FSTL5: variants seen among roughly 807,000 people sequenced by gnomAD.
FSTL5 encodes the protein follistatin-related protein 5.
Under a neutral mutation model 89.1 loss-of-function variants are expected in FSTL5, and 62 were observed. The observed-to-expected ratio is 0.70, with a 90% confidence interval of 0.57 to 0.86. FSTL5 has a LOEUF of 0.86. Ranked by LOEUF, FSTL5 falls within the 40% of genes least tolerant of loss-of-function variation. The pLI is 0.00. For missense variants in FSTL5, 1,057 were observed against 1,001.6 expected (o/e 1.06, Z -0.75); for synonymous variants, 383 against 346.2 (o/e 1.11, Z -1.18).
intron 3 of FSTL5, among the ~76,000 whole-genome samples, chr4:161,929,456 C>A (rs1222398934): frequency 2.0e-5 from 3 of 151,610 alleles, no homozygotes; most frequent in Non-Finnish European, 4.4e-5. Context: ...AAATCTTTTG[C>A]TTTGCCATAT....
Position 161,587,441 on chromosome 4 carries a change from A to G in FSTL5, c.1015+14T>C, listed in dbSNP as rs762906339. 1 of 1,612,466 alleles carries G rather than the reference A, an allele frequency of 6.2e-7. No homozygotes were observed. The highest frequency in any genetic ancestry group is 1.1e-5 in the South Asian group (1 of 91,052). On this transcript the variant is annotated intron_variant, in intron 8 of 15. Transcript: ENST00000306100. The stretch of plus-strand genomic sequence containing the variant: ...GTTCTTTGAATAGTTAGGGTAACAA[A>G]AATCACTTCTTACCATTCACTTGGA...
intron 15 of FSTL5, among the ~76,000 whole-genome samples, chr4:161,430,696 G>A (rs890272960): frequency 1.1e-4 from 17 of 152,044 alleles, no homozygotes; most frequent in Non-Finnish European, 1.8e-4. Flanking sequence ...GCCAAGATCC[G>A]GCTACTGCAT....
chr4:162,075,925 TG>T (rs1207502898), intron 2 of FSTL5, among the ~76,000 whole-genome samples: 2 of 151,856 alleles, frequency 1.3e-5, no homozygotes, highest in Non-Finnish European at 2.9e-5. Flanking sequence ...GCAACTGCAT[TG>T]TAACTTAATT....
intron 2 of FSTL5, among the ~76,000 whole-genome samples, chr4:162,072,889 C>T (rs972947794): frequency 7.9e-5 from 12 of 151,698 alleles, no homozygotes; most frequent in Non-Finnish European, 1.8e-4. Flanking sequence ...CTCAGTAGAA[C>T]AAAAAAGGCT....
rs577722331 is a variant in FSTL5 at position 161,475,722 on chromosome 4, G to A, written c.1608+5298C>T. 7.9e-5 allele frequency among the ~76,000 whole-genome samples: 12 copies of A among 151,686 alleles called. No individual in the cohort carries two copies. The South Asian group carries it at 1.7e-3, about 21-fold the overall frequency. On this transcript the variant is annotated intron_variant, in intron 13 of 15. Coordinates refer to ENST00000306100, the MANE Select transcript of FSTL5 (RefSeq NM_020116.5). ...TTTTTATCTAGTAAATTTGCCTCAGGTCTTGTTCAGGAATACATTCTGTTG... is the reference window on the plus strand; with the variant it reads ...TTTTTATCTAGTAAATTTGCCTCAGATCTTGTTCAGGAATACATTCTGTTG...
At chr4:161,437,565 C>A (rs867454761) in intron 15 of FSTL5, among the ~76,000 whole-genome samples, 457 of 68,380 alleles carry the variant, frequency 6.7e-3, no homozygotes, top group African/African-American at 0.015. Flanking sequence ...GACTCCGTCT[C>A]AAAAAAAAAA....
At chr4:161,978,254 T>TA (rs1735719911) in intron 3 of FSTL5, among the ~76,000 whole-genome samples, 1 of 152,214 alleles carries the variant, frequency 6.6e-6, no homozygotes, top group Non-Finnish European at 1.5e-5. Context: ...GTATATGTGC[T>TA]TTATGTATCT....
intron 6 of FSTL5, among the ~76,000 whole-genome samples, chr4:161,660,065 T>G (rs1051577338): frequency 1.3e-5 from 2 of 152,172 alleles, no homozygotes; most frequent in East Asian, 1.9e-4. Context: ...ACTTCAAAAA[T>G]TCTTTCATCT....
chr4:161,980,061 A>G (rs185958239), intron 3 of FSTL5, among the ~76,000 whole-genome samples: 1 of 148,052 alleles, frequency 6.8e-6, no homozygotes, highest in Non-Finnish European at 1.5e-5. Context: ...GAAAGAGAAA[A>G]AGAGAAAGAG....
chr4:161,773,733 G>T (rs55960263), intron 5 of FSTL5, among the ~76,000 whole-genome samples: 31,876 of 152,032 alleles, frequency 0.21, 6,141 homozygotes, highest in African/African-American at 0.51. Context: ...CTTGTACACC[G>T]CTGGTGGGAA....
At chr4:162,074,405 T>C (rs1729751760) in intron 2 of FSTL5, among the ~76,000 whole-genome samples, 3 of 151,756 alleles carry the variant, frequency 2.0e-5, no homozygotes, top group African/African-American at 7.2e-5. Context: ...ATAACTTTGA[T>C]CAAAGGATTT....
chr4:162,140,291 C>T (rs1421881972), intron 1 of FSTL5, among the ~76,000 whole-genome samples: 1 of 152,110 alleles, frequency 6.6e-6, no homozygotes, highest in Non-Finnish European at 1.5e-5. Flanking sequence ...AAAATTCTCA[C>T]ATGTGTTCAA....
At chr4:161,737,380 T>C (rs557169851) in intron 6 of FSTL5, among the ~76,000 whole-genome samples, 1 of 152,126 alleles carries the variant, frequency 6.6e-6, no homozygotes, top group Non-Finnish European at 1.5e-5. Flanking sequence ...AATTTGATCC[T>C]ATAAAATCGA....
At chr4:161,605,846 C>G (rs1016491147) in intron 7 of FSTL5, among the ~76,000 whole-genome samples, 2 of 151,786 alleles carry the variant, frequency 1.3e-5, no homozygotes, top group African/African-American at 4.9e-5. Context: ...TGTTCTGTAA[C>G]TTCTGGTCTT....
At chr4:161,521,570 C>T (rs947194402) in intron 10 of FSTL5, among the ~76,000 whole-genome samples, 5 of 151,956 alleles carry the variant, frequency 3.3e-5, no homozygotes, top group East Asian at 1.9e-4. Context: ...AACTGGTGGC[C>T]GGGCGCGGTG....
intron 8 of FSTL5, among the ~76,000 whole-genome samples, chr4:161,551,680 C>T (rs1430962184): frequency 3.3e-5 from 5 of 151,976 alleles, no homozygotes; most frequent in South Asian, 4.1e-4. Context: ...GAAATAATGC[C>T]GCATATCTAC....
At chr4:161,561,667 G>A (rs958630867) in intron 8 of FSTL5, among the ~76,000 whole-genome samples, 7 of 151,930 alleles carry the variant, frequency 4.6e-5, no homozygotes, top group South Asian at 2.1e-4. Context: ...AAAGAAAAGT[G>A]TATACAGTAT....
At chr4:162,015,888 G>A (rs1438004672) in intron 3 of FSTL5, among the ~76,000 whole-genome samples, 1 of 152,240 alleles carries the variant, frequency 6.6e-6, no homozygotes, top group African/African-American at 2.4e-5. Flanking sequence ...TCATATGCTG[G>A]ATGAGAAGAC....
intron 3 of FSTL5, among the ~76,000 whole-genome samples, chr4:162,019,429 T>C (rs1226974291): frequency 1.3e-5 from 2 of 152,018 alleles, no homozygotes; most frequent in Non-Finnish European, 2.9e-5. Context: ...TTATACCTTA[T>C]AAAAAATGAC....
Sources: allele counts gnomAD v4.1 joint callset (sites outside exome capture counted in the v4.1 genomes callset), GRCh38; gene constraint gnomAD v4.1.1; transcripts MANE v1.5; gene names NCBI Gene and HGNC (gene_info 2026-07-23, HGNC 2026-07-21).